The following MAGI2 variants were observed in gnomAD, a reference collection of about 807,000 sequenced individuals.
The protein encoded by MAGI2 is membrane-associated guanylate kinase, WW and PDZ domain-containing protein 2.
A neutral mutation model predicts 133.3 loss-of-function variants in MAGI2; 35 were observed. That is an observed-to-expected ratio of 0.26 (90% CI 0.20 to 0.35). The LOEUF is 0.35. MAGI2 is among the 10% of genes least tolerant of loss of function. The pLI is 1.00. For synonymous variants in MAGI2, 729 were observed against 710.6 expected, an observed-to-expected ratio of 1.03 and a Z score of -0.41; for missense variants, 1,636 against 1,863.4, an observed-to-expected ratio of 0.88 and a Z score of 2.25.
chr7:78,270,383 T>A (rs1794448153), intron 9 of MAGI2, among the ~76,000 whole-genome samples: 2 of 152,230 alleles, frequency 1.3e-5, no homozygotes, highest in African/African-American at 4.8e-5. Context: ...TGATATTGAT[T>A]CTTCCTATCC....
At position 78,386,444 on chromosome 7, in the gene MAGI2, CTGCAAGGTTTCCTGA is replaced by C. The variant is rs1795396310; in HGVS notation, c.1046-17246_1046-17232del. The stretch of plus-strand genomic sequence containing the variant: ...ATCGAAAACATGATGCCTGCTGTTC[CTGCAAGGTTTCCTGA>C]TGCCTAAAACATCAGGAAAATTCTT... On this transcript the variant is annotated intron_variant, in intron 6 of 21. Transcript: ENST00000354212. 2.0e-5 allele frequency among the ~76,000 whole-genome samples: 3 copies of C among 152,244 alleles called. No individual in the cohort carries two copies. The South Asian group carries it at 6.2e-4, about 32-fold the overall frequency.
At chr7:78,952,608 G>A (rs1295989399) in intron 2 of MAGI2, among the ~76,000 whole-genome samples, 2 of 151,776 alleles carry the variant, frequency 1.3e-5, no homozygotes, top group African/African-American at 4.8e-5. Context: ...TACACCTGGT[G>A]ATATTCATTT....
chr7:78,525,648 T>G (rs1044150737), intron 3 of MAGI2, among the ~76,000 whole-genome samples: 2 of 152,202 alleles, frequency 1.3e-5, no homozygotes, highest in Non-Finnish European at 2.9e-5. Context: ...AACAATATGG[T>G]GTAATGCTTA....
chr7:78,357,397 C>T (rs1792193350), intron 7 of MAGI2, among the ~76,000 whole-genome samples: 1 of 152,028 alleles, frequency 6.6e-6, no homozygotes. Flanking sequence ...AATAAGACCC[C>T]CTTGGAGATA....
At chr7:79,002,559 C>T (rs1172345548) in intron 2 of MAGI2, among the ~76,000 whole-genome samples, 8 of 151,664 alleles carry the variant, frequency 5.3e-5, no homozygotes, top group African/African-American at 1.9e-4. Context: ...CAGTTAGCTA[C>T]CAAAGAATAG....
At chr7:78,646,806 A>T (rs935002071) in intron 2 of MAGI2, among the ~76,000 whole-genome samples, 4 of 152,178 alleles carry the variant, frequency 2.6e-5, no homozygotes, top group Non-Finnish European at 5.9e-5. Flanking sequence ...CAGTCACACA[A>T]CATCACCTCA....
At chr7:79,038,308 TGA>T (rs1340141155) in intron 1 of MAGI2, among the ~76,000 whole-genome samples, 2 of 152,214 alleles carry the variant, frequency 1.3e-5, no homozygotes, top group Admixed American at 1.3e-4. Flanking sequence ...CCAAACAAGC[TGA>T]GAGTTTTTTC....
At chr7:78,722,854 G>C (rs543174620) in intron 2 of MAGI2, among the ~76,000 whole-genome samples, 54 of 152,188 alleles carry the variant, frequency 3.5e-4, no homozygotes, top group Non-Finnish European at 5.3e-4. Flanking sequence ...TTATAGGATT[G>C]ACCAGGAATA....
At chr7:78,097,464 C>A (rs963510037) in intron 20 of MAGI2, among the ~76,000 whole-genome samples, 4 of 152,054 alleles carry the variant, frequency 2.6e-5, no homozygotes, top group African/African-American at 9.7e-5. Flanking sequence ...ACCTACACAC[C>A]GTGGAATACC....
chr7:79,101,982 G>A (rs1248759021), intron 1 of MAGI2, among the ~76,000 whole-genome samples: 1 of 151,624 alleles, frequency 6.6e-6, no homozygotes, highest in Non-Finnish European at 1.5e-5. Flanking sequence ...TATGGCATGT[G>A]TTTTTGCTTT....
At chr7:79,415,321 C>A (rs547965417) in intron 1 of MAGI2, 4 of 152,170 alleles carry the variant, frequency 2.6e-5, no homozygotes, top group Non-Finnish European at 4.4e-5. Context: ...AGGCTGTACT[C>A]CTATGAAGCC....
chr7:79,061,545 G>T lies in MAGI2; in HGVS notation c.302-54339C>A, dbSNP rs140226241. ...AGGACCCGCTCAGGCTAGCTCTGAA[G>T]TTTTTTTTGAGGCAATACTGAAAAA... On this transcript the variant is annotated intron_variant, in intron 1 of 21. Transcript: ENST00000354212. 7.7e-3 allele frequency among the ~76,000 whole-genome samples: 1,166 copies of T among 151,826 alleles called. 8 individuals are homozygous for T. The highest frequency in any genetic ancestry group is 0.017 in the Middle Eastern group (5 of 292).
At chr7:78,800,200 G>C (rs1787947968) in intron 2 of MAGI2, among the ~76,000 whole-genome samples, 1 of 152,002 alleles carries the variant, frequency 6.6e-6, no homozygotes, top group South Asian at 2.1e-4. Context: ...TATTGAATTG[G>C]TCCAGGTAGA....
In MAGI2 at chr7:78,703,031, G is replaced by T. The variant is rs549329118; in HGVS notation, c.419-75792C>A. 1.0e-3 allele frequency among the ~76,000 whole-genome samples: 153 copies of T among 152,058 alleles called. 1 individual carries two copies. The South Asian group carries it at 0.03, about 30-fold the overall frequency. ...ATGTTGGAAGATTTTCAAAACTTGG[G>T]AGGTAACTAAGCAAGGGTGAGAAAG... On this transcript the variant is annotated intron_variant, in intron 2 of 21. Transcript: ENST00000354212.
At chr7:79,175,154 A>G (rs1825980977) in intron 1 of MAGI2, among the ~76,000 whole-genome samples, 1 of 151,984 alleles carries the variant, frequency 6.6e-6, no homozygotes, top group African/African-American at 2.4e-5. Context: ...TGAAATAGAG[A>G]AAACAATCTA....
chr7:78,553,361 G>A (rs1477276908), intron 3 of MAGI2, among the ~76,000 whole-genome samples: 2 of 152,066 alleles, frequency 1.3e-5, no homozygotes, highest in Non-Finnish European at 2.9e-5. Context: ...TATGTTTATG[G>A]CAAACTGTAA....
intron 2 of MAGI2, among the ~76,000 whole-genome samples, chr7:78,629,090 T>C (rs906570190): frequency 6.6e-6 from 1 of 152,118 alleles, no homozygotes; most frequent in African/African-American, 2.4e-5. Flanking sequence ...GCTGCTGACT[T>C]GTTTGGAGTA....
intron 2 of MAGI2, among the ~76,000 whole-genome samples, chr7:78,886,416 T>C (rs1796275143): frequency 6.6e-6 from 1 of 152,206 alleles, no homozygotes; most frequent in African/African-American, 2.4e-5. Context: ...ATGGATGTAA[T>C]AAGCATCTAA....
intron 3 of MAGI2, among the ~76,000 whole-genome samples, chr7:78,590,930 A>G (rs913370051): frequency 8.5e-5 from 13 of 152,338 alleles, no homozygotes; most frequent in African/African-American, 3.1e-4. Flanking sequence ...AAAGGTAAAG[A>G]TGAATGGTAC....
Sources: allele counts gnomAD v4.1 joint callset (sites outside exome capture counted in the v4.1 genomes callset), GRCh38; gene constraint gnomAD v4.1.1; transcripts MANE v1.5; gene names NCBI Gene and HGNC (gene_info 2026-07-23, HGNC 2026-07-21).